Variants in DGKG observed in about 807,000 individuals in gnomAD.
DGKG encodes the protein diacylglycerol kinase gamma, also known as DAG kinase gamma.
DGKG carries 78 observed loss-of-function variants against 105.3 expected under a neutral mutation model. That is an observed-to-expected ratio of 0.74 (90% CI 0.62 to 0.89). The LOEUF (loss-of-function observed/expected upper bound fraction) is 0.89. DGKG is among the 40% of genes least tolerant of loss of function. The pLI is 0.00. For missense variants in DGKG, 958 were observed against 1,020.1 expected (o/e 0.94, Z 0.83); for synonymous variants, 346 against 367.1 (o/e 0.94, Z 0.66).
chr3:186,267,770 CGG>C lies in DGKG; in HGVS notation c.1122_1123del (p.His374GlnfsTer4). ...ACACAACGTTGATAATTCACATTTG[CGG>C]TGAAACTGGGGGGAGAAATGAAAAA... On this transcript the variant is annotated frameshift_variant, in exon 13 of 25. Coordinates refer to ENST00000265022, the MANE Select transcript of DGKG (RefSeq NM_001346.3). LOFTEE classifies it high-confidence loss of function. 6.2e-7 allele frequency: 1 copy of C among 1,613,592 alleles called. No homozygotes were observed. Among genetic ancestry groups the C allele is most frequent in the South Asian group, 1.1e-5 (1 of 91,072 alleles).
At chr3:186,225,198 C>T (rs914287921) in intron 20 of DGKG, among the ~76,000 whole-genome samples, 3 of 151,898 alleles carry the variant, frequency 2.0e-5, no homozygotes, top group Admixed American at 6.6e-5. Context: ...AAATCCTGGG[C>T]TGAAACAATT....
At chr3:186,324,368 G>A (rs1725234249) in intron 1 of DGKG, among the ~76,000 whole-genome samples, 1 of 152,068 alleles carries the variant, frequency 6.6e-6, no homozygotes, top group Non-Finnish European at 1.5e-5. Flanking sequence ...GTTGGTGTTA[G>A]GATTAAGTGG....
intron 22 of DGKG, among the ~76,000 whole-genome samples, chr3:186,172,121 A>G (rs150111862): frequency 5.3e-5 from 8 of 152,308 alleles, no homozygotes; most frequent in Non-Finnish European, 1.2e-4. Flanking sequence ...TGCTGGGATT[A>G]CAGGTGTGAG....
chr3:186,183,320 G>C (rs954020528), intron 22 of DGKG, among the ~76,000 whole-genome samples: 1 of 152,168 alleles, frequency 6.6e-6, no homozygotes, highest in Non-Finnish European at 1.5e-5. Context: ...ATATGGAGGA[G>C]GCTGGGTATA....
intron 22 of DGKG, among the ~76,000 whole-genome samples, chr3:186,173,146 C>T (rs1201435387): frequency 1.3e-5 from 2 of 152,164 alleles, no homozygotes; most frequent in Non-Finnish European, 2.9e-5. Flanking sequence ...CCCAAATAAC[C>T]TCATTTTAAC....
intron 20 of DGKG, among the ~76,000 whole-genome samples, chr3:186,238,568 C>T (rs1336378718): frequency 6.6e-6 from 1 of 152,146 alleles, no homozygotes; most frequent in Non-Finnish European, 1.5e-5. Context: ...CACTTTCAAA[C>T]ACTTTAGAAT....
intron 21 of DGKG, among the ~76,000 whole-genome samples, chr3:186,205,294 C>G (rs1718675451): frequency 1.3e-5 from 2 of 150,018 alleles, no homozygotes; most frequent in South Asian, 4.2e-4. Context: ...GACCAACCTG[C>G]TCTATCAGCA....
intron 1 of DGKG, among the ~76,000 whole-genome samples, chr3:186,349,292 A>T (rs1726512507): frequency 1.3e-5 from 2 of 151,920 alleles, no homozygotes; most frequent in Admixed American, 6.6e-5. Context: ...TTTTCCCCTC[A>T]TTATTTCACT....
At chr3:186,242,919 G>A (rs1490248157) in intron 19 of DGKG, among the ~76,000 whole-genome samples, 1 of 152,178 alleles carries the variant, frequency 6.6e-6, no homozygotes, top group Non-Finnish European at 1.5e-5. Context: ...TTAGAGATCA[G>A]GAGCCTGTGT....
Position 186,261,752 on chromosome 3 carries a change from G to T in DGKG, c.1296C>A (p.Thr432=). ...GGTTCACCAAGACCAGCAGGGGGTG[G>T]GTACCCGGGGTGGGGATGATCTTAT... ...MQYKIIPTPG[T]HPLLVLVNPK... Residue 432 remains threonine, a synonymous_variant, in exon 15 of 25, where the codon ACC becomes ACA. Transcript: ENST00000265022. The T allele has an allele frequency of 6.2e-7, 1 of 1,607,544 alleles. No individual in the cohort carries two copies.
At chr3:186,241,772 A>T (rs911686763) in intron 20 of DGKG, among the ~76,000 whole-genome samples, 1 of 152,232 alleles carries the variant, frequency 6.6e-6, no homozygotes, top group African/African-American at 2.4e-5. Context: ...GAAGATACAG[A>T]CAAAGAAGGA....
chr3:186,206,760 G>GT (rs965068058), intron 21 of DGKG, among the ~76,000 whole-genome samples: 5 of 149,474 alleles, frequency 3.3e-5, no homozygotes, highest in East Asian at 1.9e-4. Context: ...TTGTTTTTTT[G>GT]TTTTTTTTGA....
intron 22 of DGKG, among the ~76,000 whole-genome samples, chr3:186,187,055 G>A (rs1282880191): frequency 6.6e-6 from 1 of 152,214 alleles, no homozygotes; most frequent in Non-Finnish European, 1.5e-5. Context: ...GGCAGAAGAG[G>A]AGGTCTGGGA....
chr3:186,354,218 G>T (rs1726793924), intron 1 of DGKG, among the ~76,000 whole-genome samples: 1 of 152,152 alleles, frequency 6.6e-6, no homozygotes, highest in Non-Finnish European at 1.5e-5. Flanking sequence ...TGCAAGTCAG[G>T]GGCACGACGG....
chr3:186,359,256 C>A (rs1020700452), intron 1 of DGKG, among the ~76,000 whole-genome samples: 3 of 152,146 alleles, frequency 2.0e-5, no homozygotes, highest in African/African-American at 7.2e-5. Context: ...CATTCATGCC[C>A]TTTGGCCTGG....
chr3:186,183,606 T>C (rs1486429740), intron 22 of DGKG, among the ~76,000 whole-genome samples: 1 of 152,094 alleles, frequency 6.6e-6, no homozygotes, highest in African/African-American at 2.4e-5. Context: ...GGAAAGGAGA[T>C]AGTAGGTACA....
intron 21 of DGKG, among the ~76,000 whole-genome samples, chr3:186,204,587 A>G (rs1195579600): frequency 6.6e-6 from 1 of 152,042 alleles, no homozygotes; most frequent in Non-Finnish European, 1.5e-5. Flanking sequence ...CCAGCATAGT[A>G]CCCAGCACGT....
chr3:186,150,224 GC>G (rs1173741047), intron 24 of DGKG, 36 bp from the exon 25 acceptor site: 1 of 1,588,296 alleles, frequency 6.3e-7, no homozygotes, highest in East Asian at 2.3e-5. Flanking sequence ...TTAGTGGCAT[GC>G]AAATCTCAGT....
intron 24 of DGKG, chr3:186,159,522 C>A (rs1222232251): frequency 6.6e-6 from 1 of 152,162 alleles, no homozygotes; most frequent in Middle Eastern, 3.2e-3. Context: ...GCATTTATTG[C>A]ATAAACATAT....
Sources: allele counts gnomAD v4.1 joint callset (sites outside exome capture counted in the v4.1 genomes callset), GRCh38; gene constraint gnomAD v4.1.1; transcripts MANE v1.5; gene names NCBI Gene and HGNC (gene_info 2026-07-23, HGNC 2026-07-21).